Variants in PHTF2 observed in about 807,000 individuals in gnomAD.
PHTF2 encodes putative homeodomain transcription factor 2, also known as protein PHTF2.
Under a neutral mutation model 101.2 loss-of-function variants are expected in PHTF2, and 60 were observed. The ratio of observed to expected loss-of-function variants is 0.59; its 90% CI spans 0.48 to 0.73. The LOEUF is 0.73. Ranked by LOEUF, PHTF2 falls within the 30% of genes least tolerant of loss-of-function variation. PHTF2 has a pLI of 0.00. For missense variants in PHTF2, 747 were observed against 908.7 expected (o/e 0.82, Z 2.29); for synonymous variants, 311 against 307.3 (o/e 1.01, Z -0.13).
intron 3 of PHTF2, among the ~76,000 whole-genome samples, chr7:77,881,201 T>C (rs1799385002): frequency 6.6e-6 from 1 of 152,236 alleles, no homozygotes; most frequent in African/African-American, 2.4e-5. Flanking sequence ...TTTTAGCTCT[T>C]CTTGCTTTAC....
At chr7:77,913,191 C>T (rs1456225161) in intron 9 of PHTF2, among the ~76,000 whole-genome samples, 1 of 151,840 alleles carries the variant, frequency 6.6e-6, no homozygotes, top group Non-Finnish European at 1.5e-5. Context: ...AGTTCAAGAC[C>T]AGTCTGGCCA....
chr7:77,811,399 C>T (rs1793430857), intron 1 of PHTF2, among the ~76,000 whole-genome samples: 1 of 152,196 alleles, frequency 6.6e-6, no homozygotes, highest in African/African-American at 2.4e-5. Context: ...CATACTGTGG[C>T]TAGATACTTT....
intron 9 of PHTF2, among the ~76,000 whole-genome samples, chr7:77,912,655 A>G (rs973108095): frequency 8.6e-6 from 1 of 116,272 alleles, no homozygotes; most frequent in Non-Finnish European, 1.8e-5. Context: ...CCACTATTCT[A>G]TTTTTGTATA....
chr7:77,906,160 GT>G (rs1425210595), intron 7 of PHTF2: 2 of 152,084 alleles, frequency 1.3e-5, no homozygotes, highest in Non-Finnish European at 2.9e-5. Context: ...GCTAATTTTT[GT>G]ATTTTTAGCA....
intron 6 of PHTF2, among the ~76,000 whole-genome samples, chr7:77,901,407 T>C (rs1402098670): frequency 6.6e-6 from 1 of 152,132 alleles, no homozygotes; most frequent in Non-Finnish European, 1.5e-5. Context: ...AAGGATCTCT[T>C]GAACCCAGGA....
chr7:77,908,666 A>G, intron 7 of PHTF2, 127 bp from the exon 7 acceptor site: 2 of 571,870 alleles, frequency 3.5e-6, no homozygotes, highest in Non-Finnish European at 6.0e-6. Context: ...TCTCTATAGT[A>G]ATATTTTAAA....
chr7:77,803,941 A>G (rs1187622898), intron 1 of PHTF2, among the ~76,000 whole-genome samples: 2 of 152,214 alleles, frequency 1.3e-5, no homozygotes, highest in African/African-American at 2.4e-5. Flanking sequence ...GATGGAATGC[A>G]TAAATAAGGT....
chr7:77,826,237 T>C (rs568374868), intron 1 of PHTF2, among the ~76,000 whole-genome samples: 1 of 152,324 alleles, frequency 6.6e-6, no homozygotes, highest in South Asian at 2.1e-4. Flanking sequence ...TCAAGATGGC[T>C]GAATTTTAAT....
rs532646997 is a variant in PHTF2, at chr7:77,825,800, T to G, written c.-35-14421T>G. 6.6e-5 allele frequency among the ~76,000 whole-genome samples: 10 copies of G among 152,272 alleles called. No individual in the cohort carries two copies. The East Asian group carries it at 1.7e-3, about 26-fold the overall frequency. On this transcript the variant is annotated intron_variant, in intron 1 of 19. Coordinates refer to ENST00000416283, the Ensembl canonical transcript of PHTF2. ...TGAATAGGAGCTGAGGATAGCAGTT[T>G]CTGTATTAAACGTGATAAAAAAAAT...
At chr7:77,942,637 T>A in intron 15 of PHTF2, 63 bp from the exon 15 acceptor site, 1 of 878,102 alleles carries the variant, frequency 1.1e-6, no homozygotes, top group Non-Finnish European at 1.8e-6. Context: ...ATGGAAATTA[T>A]CTGCTGATTA....
intron 1 of PHTF2, among the ~76,000 whole-genome samples, chr7:77,826,797 T>A (rs1794726026): frequency 6.6e-6 from 1 of 152,156 alleles, no homozygotes; most frequent in South Asian, 2.1e-4. Flanking sequence ...AAGTGGTTAA[T>A]CAAATACACA....
chr7:77,908,612 A>G (rs771340509), intron 7 of PHTF2, among the ~76,000 whole-genome samples, 181 bp from the exon 7 acceptor site: 6 of 152,158 alleles, frequency 3.9e-5, no homozygotes, highest in African/African-American at 7.2e-5. Context: ...ACTAAATACC[A>G]TGGTTAGGCT....
chr7:77,844,139 A>C (rs969791283), intron 2 of PHTF2, among the ~76,000 whole-genome samples: 2 of 152,122 alleles, frequency 1.3e-5, no homozygotes, highest in Non-Finnish European at 2.9e-5. Flanking sequence ...CTGGAACTAC[A>C]GGCTCATGCC....
At chr7:77,915,673 C>T (rs909548411) in intron 9 of PHTF2, among the ~76,000 whole-genome samples, 1 of 152,034 alleles carries the variant, frequency 6.6e-6, no homozygotes, top group African/African-American at 2.4e-5. Context: ...ACAGCAGAGC[C>T]GGGAGGCCAC....
At chr7:77,804,275 G>A (rs920134815) in intron 1 of PHTF2, among the ~76,000 whole-genome samples, 3 of 152,082 alleles carry the variant, frequency 2.0e-5, no homozygotes, top group African/African-American at 7.2e-5. Flanking sequence ...CTATCTTCTT[G>A]TTCCTAAATC....
exon 9 of PHTF2, chr7:77,910,302 C>T: frequency 6.2e-7 from 1 of 1,613,148 alleles, no homozygotes; most frequent in Admixed American, 1.7e-5. Flanking sequence ...GTTCTAGTAC[C>T]ACAGATAACA....
intron 12 of PHTF2, among the ~76,000 whole-genome samples, chr7:77,936,357 G>A (rs568917274): frequency 6.6e-6 from 1 of 152,170 alleles, no homozygotes; most frequent in East Asian, 1.9e-4. Flanking sequence ...AGGTTGCTAC[G>A]AATGCCAAAA....
intron 17 of PHTF2, among the ~76,000 whole-genome samples, chr7:77,950,661 A>T (rs1215607774): frequency 6.6e-6 from 1 of 152,180 alleles, no homozygotes; most frequent in Non-Finnish European, 1.5e-5. Context: ...ACTCAAAAAA[A>T]AGTATACTTG....
At chr7:77,953,880 G>A in exon 19 of PHTF2, 1 of 1,612,978 alleles carries the variant, frequency 6.2e-7, no homozygotes, top group Non-Finnish European at 8.5e-7. Flanking sequence ...TGACTTGCTT[G>A]GATTTAATTT....
Sources: allele counts gnomAD v4.1 joint callset (sites outside exome capture counted in the v4.1 genomes callset), GRCh38; gene constraint gnomAD v4.1.1; transcripts MANE v1.5; gene names NCBI Gene and HGNC (gene_info 2026-07-23, HGNC 2026-07-21).